Variants in CA12 observed in about 807,000 individuals in gnomAD.
The protein encoded by CA12 is carbonate dehydratase XII.
In CA12, 36 loss-of-function variants were observed where a neutral mutation model predicts 46.8. The observed-to-expected ratio is 0.77, with a 90% CI of 0.59 to 1.02. CA12 has a LOEUF of 1.02. CA12 is among the 50% of genes least tolerant of loss of function. CA12 has a pLI of 0.00. For missense variants in CA12, 436 were observed against 451.4 expected, an observed-to-expected ratio of 0.97 and a Z score of 0.31; for synonymous variants, 202 against 187.0, an observed-to-expected ratio of 1.08 and a Z score of -0.65.
rs1330336738 is a variant in CA12 at position 63,329,287 on chromosome 15, A to G, written c.875-1157T>C. On this transcript the variant is annotated intron_variant, in intron 8 of 10. Transcript: ENST00000178638. The surrounding 1 kb of genome is among the most constrained non-coding windows in gnomAD (Gnocchi z 4.8). ...CAACCAGCAAGTTACTGTTGAGGATAAATAAGGTGAGAGAGAAGTCCTCAG... is the reference window on the plus strand; with the variant it reads ...CAACCAGCAAGTTACTGTTGAGGATGAATAAGGTGAGAGAGAAGTCCTCAG... Among the ~76,000 whole-genome samples, 1 of 152,178 alleles carries G rather than the reference A, an allele frequency of 6.6e-6. No individual in the cohort carries two copies. The highest frequency in any genetic ancestry group is 1.5e-5 in the Non-Finnish European group (1 of 68,030).
chr15:63,361,714 G>A (rs2039366166), intron 2 of CA12, among the ~76,000 whole-genome samples: 1 of 152,136 alleles, frequency 6.6e-6, no homozygotes, highest in Non-Finnish European at 1.5e-5. Flanking sequence ...TCGTTCTCTG[G>A]GGCAGGAAAG....
At chr15:63,353,474 C>G (rs2039259012) in intron 2 of CA12, among the ~76,000 whole-genome samples, 1 of 152,180 alleles carries the variant, frequency 6.6e-6, no homozygotes, top group African/African-American at 2.4e-5. Context: ...CTGCCCTGTG[C>G]CAAGGCTGAG....
Position 63,378,117 on chromosome 15 carries a change from G to C in CA12, c.86-2439C>G, listed in dbSNP as rs2039600709. Among the ~76,000 whole-genome samples the C allele has an allele frequency of 6.6e-6, 1 of 152,216 alleles. No homozygotes were observed. The highest frequency in any genetic ancestry group is 2.1e-4 in the South Asian group (1 of 4,834). ...AATTTCCCTAAGCTGGCTGGGTACG[G>C]TGGCTCACCCCTGTAATCCCAGCAC... On this transcript the variant is annotated intron_variant, in intron 1 of 10. Transcript: ENST00000178638. This position sits in a 1 kb window ranked among gnomAD's most constrained non-coding sequence, Gnocchi z 4.8.
Position 63,340,432 on chromosome 15 carries a change from G to T in CA12, c.603C>A (p.Phe201Leu). 6.2e-7 allele frequency: 1 copy of T among 1,614,158 alleles called. No individual in the cohort carries two copies. The highest frequency in any genetic ancestry group is 8.5e-7 in the Non-Finnish European group (1 of 1,180,034). The change falls in exon 7 of 11, where the codon TTC becomes TTA. Residue 201 changes from phenylalanine (F) to leucine (L), a missense_variant. By Grantham distance (22) the Phe-to-Leu change is conservative (BLOSUM62 0). Coordinates refer to ENST00000178638, the MANE Select transcript of CA12 (RefSeq NM_001218.5). This position sits in a 1 kb window ranked among gnomAD's most constrained non-coding sequence, Gnocchi z 4.4. ...QHVKYKGQEA[F>L]VPGFNIEELL... Reference sequence around the variant, plus strand: ...GCTCTTCAATGTTGAATCCCGGGACGAATGCTTCCTGGCCTAGAGAGACAT... The same window carrying T: ...GCTCTTCAATGTTGAATCCCGGGACTAATGCTTCCTGGCCTAGAGAGACAT...
rs528783098 is a variant in CA12, at chr15:63,363,902, A to T, written c.106+11756T>A. 7.9e-5 allele frequency among the ~76,000 whole-genome samples: 12 copies of T among 152,300 alleles called. No individual in the cohort carries two copies. The East Asian group carries it at 2.1e-3, about 27-fold the overall frequency. On this transcript the variant is annotated intron_variant, in intron 2 of 10. Transcript: ENST00000178638. ...CTAAAAGGCTTATCAAGAGTGGGAG[A>T]CTTGGCCGGATGCGGTGGCTCACGC... is the stretch of plus-strand genomic sequence containing the variant.
At position 63,321,859 on chromosome 15, in the gene CA12, T is replaced by G. The variant is rs2038795342; in HGVS notation, c.*4426A>C. On this transcript the variant is annotated 3_prime_UTR_variant, in exon 11 of 11. Transcript: ENST00000178638. This position sits in a 1 kb window ranked among gnomAD's most constrained non-coding sequence, Gnocchi z 4.5. ...GGCCCACTGCGGCGAGGCGAGGAGA[T>G]GTGGGGAGAGGAAGAGCGGCGTCCA... 1 of 152,216 alleles carries G rather than the reference T, an allele frequency of 6.6e-6. No individual in the cohort carries two copies. The highest frequency in any genetic ancestry group is 2.1e-4 in the South Asian group (1 of 4,826). The allele number at this position is 152,216 out of a possible 1,614,324, so 9.4% of individuals were successfully genotyped here.
chr15:63,361,980 C>G (rs968551894), intron 2 of CA12, among the ~76,000 whole-genome samples: 4 of 152,184 alleles, frequency 2.6e-5, no homozygotes, highest in Non-Finnish European at 4.4e-5. Flanking sequence ...ATTTAATGAG[C>G]ACTTTCTATG....
chr15:63,355,624 C>T lies in CA12; in HGVS notation c.107-8915G>A, dbSNP rs1419996002. Reference sequence around the variant, plus strand: ...CTGGCTCCTGCTGCAGAGCCTGGCACACTGAAGTGTTCAACAAACAGCTCT... The same window carrying T: ...CTGGCTCCTGCTGCAGAGCCTGGCATACTGAAGTGTTCAACAAACAGCTCT... On this transcript the variant is annotated intron_variant, in intron 2 of 10. Transcript: ENST00000178638. This position sits in a 1 kb window ranked among gnomAD's most constrained non-coding sequence, Gnocchi z 4.1. 3.9e-5 allele frequency among the ~76,000 whole-genome samples: 6 copies of T among 152,216 alleles called. No homozygotes were observed. The highest frequency in any genetic ancestry group is 2.6e-4 in the Admixed American group (4 of 15,280).
Position 63,367,487 on chromosome 15 carries a change from A to T in CA12, c.106+8171T>A, listed in dbSNP as rs2039450832. ...CCAGGCCCCACTTGCCAATGCCAGC[A>T]TGACCTTACATAAGGAAATCTCACT... On this transcript the variant is annotated intron_variant, in intron 2 of 10. Coordinates refer to ENST00000178638, the MANE Select transcript of CA12 (RefSeq NM_001218.5). Among the ~76,000 whole-genome samples the T allele has an allele frequency of 2.0e-5, 3 of 152,250 alleles. No individual in the cohort carries two copies. In the South Asian group the frequency reaches 6.2e-4, roughly 31 times the overall value.
In CA12 at chr15:63,339,284, C is replaced by G. The variant is rs2039045212; in HGVS notation, c.748-339G>C. Reference sequence around the variant, plus strand: ...CTTAACCTCCACAGAGACTGAGTTCCTCTCATGAACTTAAATTAGAGGCCA... The same window carrying G: ...CTTAACCTCCACAGAGACTGAGTTCGTCTCATGAACTTAAATTAGAGGCCA... On this transcript the variant is annotated intron_variant, in intron 7 of 10. Transcript: ENST00000178638. This position sits in a 1 kb window ranked among gnomAD's most constrained non-coding sequence, Gnocchi z 4.3. Among the ~76,000 whole-genome samples, 3 of 152,000 alleles carry G rather than the reference C, an allele frequency of 2.0e-5. No individual in the cohort carries two copies. The highest frequency in any genetic ancestry group is 2.9e-5 in the Non-Finnish European group (2 of 68,000).
chr15:63,353,739 G>T (rs1189829141), intron 2 of CA12, among the ~76,000 whole-genome samples: 4 of 152,124 alleles, frequency 2.6e-5, no homozygotes, highest in Non-Finnish European at 4.4e-5. Flanking sequence ...AAGAGATGGG[G>T]TCTTGCTATA....
Position 63,348,556 on chromosome 15 carries a change from T to C in CA12, c.107-1847A>G, listed in dbSNP as rs74485171. On this transcript the variant is annotated intron_variant, in intron 2 of 10. Coordinates refer to ENST00000178638, the MANE Select transcript of CA12 (RefSeq NM_001218.5). This position sits in a 1 kb window ranked among gnomAD's most constrained non-coding sequence, Gnocchi z 4.6. ...CCAGCCTTTTCTGTGCTCACAATAC[T>C]GCCTGGGCCCACAGCCAGCAGGGCG... Among the ~76,000 whole-genome samples, 52 of 152,338 alleles carry C rather than the reference T, an allele frequency of 3.4e-4. 1 individual carries two copies. The East Asian group carries it at 8.9e-3, about 26-fold the overall frequency.
Position 63,340,421 on chromosome 15 carries a change from A to G in CA12, c.614T>C (p.Phe205Ser), listed in dbSNP as rs976849288. Residue 205 changes from phenylalanine to serine, a missense_variant, in exon 7 of 11, where the codon TTC becomes TCC. Physicochemically the swap from Phe to Ser is radical, Grantham distance 155 (BLOSUM62 -2). Coordinates refer to ENST00000178638, the MANE Select transcript of CA12 (RefSeq NM_001218.5). This position sits in a 1 kb window ranked among gnomAD's most constrained non-coding sequence, Gnocchi z 4.4. ...CTCCGGAAGCAGCTCTTCAATGTTG[A>G]ATCCCGGGACGAATGCTTCCTGGCC... is the stretch of plus-strand genomic sequence containing the variant. ...YKGQEAFVPG[F>S]NIEELLPERT... is the part of the protein sequence containing the mutation. 1.2e-6 allele frequency: 2 copies of G among 1,614,024 alleles called. No homozygotes were observed. The highest frequency in any genetic ancestry group is 1.7e-6 in the Non-Finnish European group (2 of 1,180,032).
rs1037987189 is a variant in CA12, at chr15:63,348,580, C to T, written c.107-1871G>A. On this transcript the variant is annotated intron_variant, in intron 2 of 10. Transcript: ENST00000178638. The surrounding 1 kb of genome is among the most constrained non-coding windows in gnomAD (Gnocchi z 4.6). The stretch of plus-strand genomic sequence containing the variant: ...CTGCCTGGGCCCACAGCCAGCAGGG[C>T]GGAAGCTGCCAGCCAGGCATGAATG... Among the ~76,000 whole-genome samples the T allele has an allele frequency of 4.6e-5, 7 of 152,174 alleles. No individual in the cohort carries two copies. The highest frequency in any genetic ancestry group is 1.2e-4 in the African/African-American group (5 of 41,438).
intron 4 of CA12, among the ~76,000 whole-genome samples, chr15:63,343,279 CT>C (rs35290345): frequency 3.1e-3 from 304 of 98,774 alleles, no homozygotes; most frequent in African/African-American, 6.2e-3. Flanking sequence ...TAGAAAGAAT[CT>C]TTTTTTTTTT....
At position 63,338,035 on chromosome 15, in the gene CA12, C is replaced by A. The variant is rs193250004; in HGVS notation, c.874+784G>T. The stretch of plus-strand genomic sequence containing the variant: ...TCAGAGGTCTGAAGAGGGGTGTGGG[C>A]CCCAAAAGTGCTCCCTCACCCCTTT... On this transcript the variant is annotated intron_variant, in intron 8 of 10. Coordinates refer to ENST00000178638, the MANE Select transcript of CA12 (RefSeq NM_001218.5). Among the ~76,000 whole-genome samples, 6 of 152,248 alleles carry A rather than the reference C, an allele frequency of 3.9e-5. No homozygotes were observed. The East Asian group carries it at 1.2e-3, about 29-fold the overall frequency.
In CA12 at chr15:63,345,650, C is replaced by A; in HGVS notation, c.287-31G>T. 1 of 1,602,960 alleles carries A rather than the reference C, an allele frequency of 6.2e-7. No individual in the cohort carries two copies. On this transcript the variant is annotated intron_variant, in intron 3 of 10. Transcript: ENST00000178638. This position sits in a 1 kb window ranked among gnomAD's most constrained non-coding sequence, Gnocchi z 4.3. ...GGGAGTGGAGGAGCAGCCTTCAGAG[C>A]CCCGGCCAGCTGTGCACTGCCAGAG...
intron 1 of CA12, among the ~76,000 whole-genome samples, chr15:63,376,089 G>A (rs549431639): frequency 1.1e-4 from 17 of 152,262 alleles, no homozygotes; most frequent in African/African-American, 4.1e-4. Flanking sequence ...GATTATAGGC[G>A]TGAGCCACCA....
intron 2 of CA12, among the ~76,000 whole-genome samples, chr15:63,359,600 G>A (rs529151718): frequency 2.0e-5 from 3 of 152,016 alleles, no homozygotes; most frequent in South Asian, 2.1e-4. Flanking sequence ...AATAAAAATC[G>A]AGGGACATTC....
Sources: gnomAD v4.1 joint callset for allele counts (sites outside exome capture counted in the v4.1 genomes callset) on GRCh38, gnomAD v4.1.1 for gene constraint, Gnocchi (gnomAD v3.1) non-coding constraint, MANE v1.5 for transcripts, NCBI Gene and HGNC (gene_info 2026-07-23, HGNC 2026-07-21) for gene names.